Variants in DNAH2 observed in about 807,000 individuals in gnomAD.
DNAH2 encodes axonemal beta dynein heavy chain 2.
Under a neutral mutation model 523.5 loss-of-function variants are expected in DNAH2, and 323 were observed. The observed-to-expected ratio is 0.62, with a 90% CI of 0.56 to 0.68. DNAH2 has a LOEUF of 0.68. Ranked by LOEUF, DNAH2 falls within the 30% of genes least tolerant of loss-of-function variation. DNAH2 has a pLI of 0.00. For synonymous variants in DNAH2, 2,093 were observed against 2,177.4 expected (o/e 0.96, Z 1.08); for missense variants, 4,907 against 5,701.5 (o/e 0.86, Z 4.49).
In DNAH2 at chr17:7,833,103, A is replaced by C. The variant is rs757784528; in HGVS notation, c.13011A>C (p.Glu4337Asp). The C allele has an allele frequency of 5.6e-6, 9 of 1,613,168 alleles. No individual in the cohort carries two copies. The South Asian group carries it at 9.9e-5, about 18-fold the overall frequency. Residue 4337 changes from glutamate (E) to aspartate (D), a missense_variant, in exon 85 of 86, where the codon GAA becomes GAC. This residue lies in a region of DNAH2 where 1,851 missense variants were observed against 2,139.4 expected (regional missense o/e 0.87). Transcript: ENST00000572933. ...TCTGGGTCCGGGGCCTGTACCTGGA[A>C]GGTGCTGGCTGGGACCGGAAGAACT... ...DGVWVRGLYL[E>D]GAGWDRKNSC...
Position 7,786,728 on chromosome 17 carries a change from G to A in DNAH2, c.6466+41G>A. On this transcript the variant is annotated intron_variant, in intron 41 of 85. Coordinates refer to ENST00000572933, the MANE Select transcript of DNAH2 (RefSeq NM_020877.5). This position sits in a 1 kb window ranked among gnomAD's most constrained non-coding sequence, Gnocchi z 7.5. ...TGGGGTGTGGAGAGCAGACGCCTGA[G>A]TCTCCTAAGGGGGCAGGGAGTCTGG... 1.2e-6 allele frequency: 2 copies of A among 1,606,368 alleles called. No individual in the cohort carries two copies. The highest frequency in any genetic ancestry group is 2.2e-5 in the South Asian group (2 of 90,792).
At chr17:7,750,074 G>A (rs2075642521) in intron 12 of DNAH2, among the ~76,000 whole-genome samples, 1 of 152,076 alleles carries the variant, frequency 6.6e-6, no homozygotes, top group Non-Finnish European at 1.5e-5. Flanking sequence ...CTGTTGCCCA[G>A]GATCTCTGCT....
chr17:7,818,846 C>CTGGG, intron 70 of DNAH2, 70 bp downstream of exon 70: 2 of 1,608,944 alleles, frequency 1.2e-6, no homozygotes, highest in South Asian at 2.2e-5. Context: ...CAGTCTACCC[C>CTGGG]AGGCACAACA....
intron 63 of DNAH2, among the ~76,000 whole-genome samples, chr17:7,815,184 G>GTGCT (rs1450057351): frequency 6.6e-6 from 1 of 152,242 alleles, no homozygotes; most frequent in East Asian, 1.9e-4. Context: ...GGGTCAGGTA[G>GTGCT]TGCTTGCTTG....
chr17:7,736,591 C>T (rs747058814), intron 7 of DNAH2, among the ~76,000 whole-genome samples: 1 of 152,164 alleles, frequency 6.6e-6, no homozygotes, highest in Non-Finnish European at 1.5e-5. Context: ...AACTCTGGTC[C>T]GAAGGCTCAC....
rs1232293008 is a variant in DNAH2 at position 7,727,173 on chromosome 17, T to C, written c.280T>C (p.Trp94Arg). The C allele has an allele frequency of 1.2e-6, 2 of 1,605,066 alleles. No homozygotes were observed. The highest frequency in any genetic ancestry group is 2.2e-5 in the South Asian group (2 of 89,490). Reference protein sequence around the residue: ...AALTGLADAVWTQEHDAILEH... With the variant: ...AALTGLADAVRTQEHDAILEH... ...GCTGACAGGACTGGCGGATGCAGTG[T>C]GGACACAGGAGCATGATGCCATTCT... The change falls in exon 4 of 86, where the codon TGG becomes CGG. Residue 94 changes from tryptophan to arginine, a missense_variant. Around this residue, in one of 3 missense-constraint regions of DNAH2, gnomAD observed 2,806 missense variants for 3,190.8 expected, o/e 0.88. Coordinates refer to ENST00000572933, the MANE Select transcript of DNAH2 (RefSeq NM_020877.5).
At chr17:7,769,188 G>T (rs776724195) in intron 24 of DNAH2, among the ~76,000 whole-genome samples, 1 of 152,008 alleles carries the variant, frequency 6.6e-6, no homozygotes, top group Non-Finnish European at 1.5e-5. Flanking sequence ...GGGAGACAAA[G>T]TCTCACTCTG....
Position 7,828,975 on chromosome 17 carries a change from T to C in DNAH2, c.11854-1325T>C, listed in dbSNP as rs1052630966. Among the ~76,000 whole-genome samples the C allele has an allele frequency of 3.3e-5, 5 of 151,402 alleles. No homozygotes were observed. The highest frequency in any genetic ancestry group is 2.6e-4 in the Admixed American group (4 of 15,252). The stretch of plus-strand genomic sequence containing the variant: ...TGTCCTACTCAAGATAGAGACTGGC[T>C]CCATGATGCCCGGTGAATCAAGTCC... On this transcript the variant is annotated intron_variant, in intron 77 of 85. Coordinates refer to ENST00000572933, the MANE Select transcript of DNAH2 (RefSeq NM_020877.5). This position sits in a 1 kb window ranked among gnomAD's most constrained non-coding sequence, Gnocchi z 4.1.
At chr17:7,735,091 C>T (rs1472558324) in intron 7 of DNAH2, among the ~76,000 whole-genome samples, 1 of 152,102 alleles carries the variant, frequency 6.6e-6, no homozygotes, top group Non-Finnish European at 1.5e-5. Flanking sequence ...CAAGGAAAAT[C>T]CAAGGAAAAG....
In DNAH2 at chr17:7,734,522, G is replaced by A. The variant is rs775649847; in HGVS notation, c.792G>A (p.Glu264=). 1.2e-6 allele frequency: 2 copies of A among 1,613,808 alleles called. No individual in the cohort carries two copies. The highest frequency in any genetic ancestry group is 1.3e-5 in the African/African-American group (1 of 74,852). ...TAAAGGAGATGCTCAGTGCCCAGGA[G>A]ACTGTGGAGACAGGAGAAAATTTAG... is the stretch of plus-strand genomic sequence containing the variant. ...RQIKEMLSAQ[E]TVETGENLGP... The change falls in exon 7 of 86, where the codon GAG becomes GAA. Residue 264 remains glutamate (E), a synonymous_variant. Transcript: ENST00000572933.
chr17:7,747,866 A>C (rs922214046), intron 12 of DNAH2, among the ~76,000 whole-genome samples: 8 of 152,238 alleles, frequency 5.3e-5, no homozygotes, highest in Non-Finnish European at 1.0e-4. Flanking sequence ...GGATTTTGAA[A>C]GTCTGGGCTC....
rs377124122 is a variant in DNAH2 at position 7,734,168 on chromosome 17, C to G, written c.629-15C>G. 95 of 1,571,416 alleles carry G rather than the reference C, an allele frequency of 6.0e-5. No individual in the cohort carries two copies. The highest frequency in any genetic ancestry group is 7.8e-5 in the Non-Finnish European group (90 of 1,157,272). On this transcript the variant is annotated splice_polypyrimidine_tract_variant and intron_variant, in intron 5 of 85. Transcript: ENST00000572933. ...CATCCCCTCTGTCCACTTCCACAAA[C>G]TTTCCTTTCCTTAGACACTCGGTAC... is the stretch of plus-strand genomic sequence containing the variant.
intron 11 of DNAH2, among the ~76,000 whole-genome samples, chr17:7,741,298 C>CTTTCTTTA (rs2075329387): frequency 2.4e-5 from 1 of 42,536 alleles, no homozygotes; most frequent in Non-Finnish European, 3.7e-5. Context: ...TTCTTTCTTC[C>CTTTCTTTA]TTCCTTCCCT....
intron 1 of DNAH2, among the ~76,000 whole-genome samples, chr17:7,719,480 T>C (rs1275236424): frequency 2.6e-5 from 4 of 152,124 alleles, no homozygotes; most frequent in Non-Finnish European, 5.9e-5. Flanking sequence ...GGGACTGACT[T>C]TGATTTTTAG....
intron 24 of DNAH2, among the ~76,000 whole-genome samples, chr17:7,768,626 G>A (rs2076235315): frequency 6.6e-6 from 1 of 152,088 alleles, no homozygotes; most frequent in Non-Finnish European, 1.5e-5. Context: ...TTGTTGCCGT[G>A]ATGTACAGGA....
Position 7,788,194 on chromosome 17 carries a change from A to G in DNAH2, c.6850A>G (p.Ile2284Val), listed in dbSNP as rs749092387. 7 of 1,611,084 alleles carry G rather than the reference A, an allele frequency of 4.3e-6. No individual in the cohort carries two copies. The highest frequency in any genetic ancestry group is 5.1e-6 in the Non-Finnish European group (6 of 1,178,618). ...ELVPLPEYSG[I>V]TSLCKLYSAL... is the part of the protein sequence containing the mutation. ...GGTGCCCCTGCCCGAGTACAGCGGTATCACCTCCCTCTGCAAGCTGTACTC... is the reference window on the plus strand; with the variant it reads ...GGTGCCCCTGCCCGAGTACAGCGGTGTCACCTCCCTCTGCAAGCTGTACTC... The change falls in exon 44 of 86, where the codon ATC becomes GTC. Residue 2284 changes from isoleucine to valine, a missense_variant. Ile to Val is a conservative substitution (Grantham distance 29). Around this residue, in one of 3 missense-constraint regions of DNAH2, gnomAD observed 2,806 missense variants for 3,190.8 expected, o/e 0.88. Transcript: ENST00000572933.
Position 7,766,302 on chromosome 17 carries a change from CCT to C in DNAH2, c.3512-15_3512-14del. 6.2e-7 allele frequency: 1 copy of C among 1,609,206 alleles called. No homozygotes were observed. Among genetic ancestry groups the C allele is most frequent in the Non-Finnish European group, 8.5e-7 (1 of 1,176,156 alleles). On this transcript the variant is annotated splice_polypyrimidine_tract_variant and intron_variant, in intron 21 of 85. Coordinates refer to ENST00000572933, the MANE Select transcript of DNAH2 (RefSeq NM_020877.5). ...ACGTGAGCGGGAAGCTGAGCTTCAT[CCT>C]GAATCCTCCACAGGCCATTTCACCA...
chr17:7,824,115 T>C lies in DNAH2; in HGVS notation c.11479-6T>C, dbSNP rs375584950. ...CTGCCTGATGCTATACCTGTGCTTCTGGCAGGTGCTGGAGGATTCAACCCC... is the reference window on the plus strand; with the variant it reads ...CTGCCTGATGCTATACCTGTGCTTCCGGCAGGTGCTGGAGGATTCAACCCC... On this transcript the variant is annotated splice_region_variant and splice_polypyrimidine_tract_variant and intron_variant, in intron 75 of 85. Transcript: ENST00000572933. 3.6e-5 allele frequency: 56 copies of C among 1,558,558 alleles called. No homozygotes were observed. The highest frequency in any genetic ancestry group is 6.8e-5 in the East Asian group (3 of 44,382).
chr17:7,829,665 T>C (rs1297115358), intron 77 of DNAH2, among the ~76,000 whole-genome samples: 1 of 152,154 alleles, frequency 6.6e-6, no homozygotes, highest in Non-Finnish European at 1.5e-5. Flanking sequence ...TCTTTGTTCA[T>C]TTTTCTGGCA....
Sources: gnomAD v4.1 joint callset for allele counts (sites outside exome capture counted in the v4.1 genomes callset) on GRCh38, gnomAD v4.1.1 for gene constraint, gnomAD v4.1.1 regional missense constraint, Gnocchi (gnomAD v3.1) non-coding constraint, MANE v1.5 for transcripts, NCBI Gene and HGNC (gene_info 2026-07-23, HGNC 2026-07-21) for gene names.